Variants in CDC42 observed in about 807,000 individuals in gnomAD.
CDC42 encodes cell division cycle 42, also known as cell division control protein 42 homolog.
CDC42 carries 1 observed loss-of-function variant against 20.8 expected under a neutral mutation model. That is an observed-to-expected ratio of 0.05 (90% CI 0.02 to 0.23). The LOEUF (loss-of-function observed/expected upper bound fraction) is 0.23, where lower values mean the gene tolerates loss of function less well. Among genes scored for constraint, CDC42 ranks in the 10% least tolerant of loss-of-function variants. The pLI is 1.00. For missense variants in CDC42, 49 were observed against 227.9 expected (o/e 0.21, Z 5.05); for synonymous variants, 72 against 84.8 (o/e 0.85, Z 0.83).
chr1:22,084,338 T>G (rs990351857), intron 3 of CDC42, among the ~76,000 whole-genome samples: 1 of 87,734 alleles, frequency 1.1e-5, no homozygotes, highest in African/African-American at 4.6e-5. Flanking sequence ...ATTTCCTGTT[T>G]TTTTTTTTTT....
chr1:22,062,686 C>A (rs756521085), intron 1 of CDC42, among the ~76,000 whole-genome samples: 3 of 126,796 alleles, frequency 2.4e-5, no homozygotes, highest in African/African-American at 9.3e-5. Flanking sequence ...CAGTTTGAGA[C>A]GAGCCTGGTA....
At chr1:22,079,016 C>T (rs1207446816) in intron 2 of CDC42, 14 of 370,416 alleles carry the variant, frequency 3.8e-5, no homozygotes, top group South Asian at 2.5e-4. Flanking sequence ...TGGAGCTGTT[C>T]GCTTAGCAGT....
intron 2 of CDC42, among the ~76,000 whole-genome samples, chr1:22,079,148 T>C (rs1485319958): frequency 1.9e-5 from 2 of 107,990 alleles, no homozygotes; most frequent in Admixed American, 1.8e-4. Context: ...TCTTTTTTTT[T>C]TTTTTTTTGA....
At chr1:22,090,114 C>A in intron 5 of CDC42, 1 of 1,518,624 alleles carries the variant, frequency 6.6e-7, no homozygotes. Flanking sequence ...GGAATAAAAC[C>A]ATCCTGTTTG....
chr1:22,091,609 G>A lies in CDC42; in HGVS notation c.*92G>A, dbSNP rs1453577842. 2 of 978,312 alleles carry A rather than the reference G, an allele frequency of 2.0e-6. No individual in the cohort carries two copies. Among genetic ancestry groups the A allele is most frequent in the Non-Finnish European group, 1.6e-6 (1 of 641,872 alleles). 60.6% of individuals were successfully genotyped at this position (978,312 alleles called of 1,614,324 possible). A position where few individuals can be genotyped will look rare whatever the true frequency, so the allele number is the denominator to read the frequency against. ...AACTAAAGATTAAAAATTAAAATTC[G>A]TTTTTGCAATAATGACAAATGCCCT... On this transcript the variant is annotated 3_prime_UTR_variant, in exon 6 of 6. Transcript: ENST00000656825.
chr1:22,086,804 G>T lies in CDC42; in HGVS notation c.424G>T (p.Ala142Ser). 1 of 1,614,066 alleles carries T rather than the reference G, an allele frequency of 6.2e-7. No individual in the cohort carries two copies. Among genetic ancestry groups the T allele is most frequent in the Non-Finnish European group, 8.5e-7 (1 of 1,179,968 alleles). Residue 142 changes from alanine to serine, a missense_variant, in exon 5 of 6, where the codon GCT becomes TCT. Transcript: ENST00000656825. ...NKQKPITPET[A>S]EKLARDLKAV... Reference sequence around the variant, plus strand: ...ACAGAAGCCTATCACTCCAGAGACTGCTGAAAAGCTGGCCCGTGACCTGAA... The same window carrying T: ...ACAGAAGCCTATCACTCCAGAGACTTCTGAAAAGCTGGCCCGTGACCTGAA...
In CDC42 at chr1:22,067,606, A is replaced by G. The variant is rs116714944; in HGVS notation, c.-50-10823A>G. On this transcript the variant is annotated intron_variant, in intron 1 of 5. Transcript: ENST00000656825. The stretch of plus-strand genomic sequence containing the variant: ...ATGATCCGCCTGCCTCGGCCTCTCA[A>G]TGTGCTGGGTTTACAGGCCTGAGCC... Among the ~76,000 whole-genome samples, 847 of 152,230 alleles carry G rather than the reference A, an allele frequency of 5.6e-3. 14 individuals are homozygous for G. Among genetic ancestry groups the G allele is most frequent in the African/African-American group, 0.019 (810 of 41,540 alleles).
intron 5 of CDC42, among the ~76,000 whole-genome samples, chr1:22,089,787 G>T (rs111486320): frequency 2.0e-5 from 3 of 152,248 alleles, no homozygotes; most frequent in African/African-American, 7.2e-5. Flanking sequence ...TACTCTCCTG[G>T]TTATAATGGG....
chr1:22,053,078 G>A (rs1645253820), intron 1 of CDC42, among the ~76,000 whole-genome samples: 1 of 151,284 alleles, frequency 6.6e-6, no homozygotes, highest in Non-Finnish European at 1.5e-5. Context: ...GGGCGCCCGG[G>A]CTCCCCTCCC....
rs1645751051 is a variant in CDC42 at position 22,095,522 on chromosome 1, G to A, written c.*4005G>A. Among the ~76,000 whole-genome samples, 1 of 152,074 alleles carries A rather than the reference G, an allele frequency of 6.6e-6. No homozygotes were observed. The highest frequency in any genetic ancestry group is 1.5e-5 in the Non-Finnish European group (1 of 68,020). On this transcript the variant is annotated 3_prime_UTR_variant, in exon 6 of 6. Coordinates refer to ENST00000656825, the MANE Select transcript of CDC42 (RefSeq NM_001791.4). ...CTGACCTCGTGATCCGCCCGCCTTG[G>A]CCTCCCAAAGTGCTAGGATTACAGG...
Position 22,081,706 on chromosome 1 carries a change from A to T in CDC42, c.106-16A>T. ...TCTCCTTGCACACTAACAGTGTTGTATTTTTTTGTTTTTAGGTTTTTGACA... is the reference window on the plus strand; with the variant it reads ...TCTCCTTGCACACTAACAGTGTTGTTTTTTTTTGTTTTTAGGTTTTTGACA... On this transcript the variant is annotated splice_polypyrimidine_tract_variant and intron_variant, in intron 2 of 5. Coordinates refer to ENST00000656825, the MANE Select transcript of CDC42 (RefSeq NM_001791.4). 1 of 1,564,090 alleles carries T rather than the reference A, an allele frequency of 6.4e-7. No homozygotes were observed. Among genetic ancestry groups the T allele is most frequent in the Non-Finnish European group, 8.8e-7 (1 of 1,135,360 alleles).
At chr1:22,075,149 G>A (rs1029800269) in intron 1 of CDC42, among the ~76,000 whole-genome samples, 1 of 152,286 alleles carries the variant, frequency 6.6e-6, no homozygotes, top group Non-Finnish European at 1.5e-5. Context: ...GAGTAACTCC[G>A]TTTTGATTTT....
chr1:22,071,712 A>G (rs917958967), intron 1 of CDC42, among the ~76,000 whole-genome samples: 1 of 152,180 alleles, frequency 6.6e-6, no homozygotes, highest in Admixed American at 6.5e-5. Context: ...GAAGATTGTG[A>G]AATTGGGTCA....
chr1:22,073,944 C>G (rs560017781), intron 1 of CDC42: 2 of 152,356 alleles, frequency 1.3e-5, no homozygotes, highest in African/African-American at 2.4e-5. Context: ...AGCCACCATG[C>G]CTGACCCTGC....
Position 22,085,217 on chromosome 1 carries a change from G to A in CDC42, c.179-1222G>A, listed in dbSNP as rs866156755. On this transcript the variant is annotated intron_variant, in intron 3 of 5. Coordinates refer to ENST00000656825, the MANE Select transcript of CDC42 (RefSeq NM_001791.4). ...ACTGCACTCCAGCCTGGGTGATAGA[G>A]TGAGACTCTGTCTAAAAAAAAAAAA... Among the ~76,000 whole-genome samples, 101 of 72,572 alleles carry A rather than the reference G, an allele frequency of 1.4e-3. No homozygotes were observed. The Middle Eastern group carries it at 0.036, about 26-fold the overall frequency. The allele number at this position is 72,572 out of a possible 152,430, so 47.6% of individuals were successfully genotyped here.
In CDC42 at chr1:22,099,918, GCT is replaced by G. The variant is rs1645779532; in HGVS notation, c.*8402_*8403del. Among the ~76,000 whole-genome samples, 1 of 151,034 alleles carries G rather than the reference GCT, an allele frequency of 6.6e-6. No individual in the cohort carries two copies. The highest frequency in any genetic ancestry group is 1.5e-5 in the Non-Finnish European group (1 of 67,776). The stretch of plus-strand genomic sequence containing the variant: ...AAGCTTGTCCAAGAATTCAGAGCTA[GCT>G]TGTCCAAGAATTCAGAGCTAGTAAG... On this transcript the variant is annotated 3_prime_UTR_variant, in exon 6 of 6. Coordinates refer to ENST00000656825, the MANE Select transcript of CDC42 (RefSeq NM_001791.4).
chr1:22,054,089 G>C (rs1017658149), intron 1 of CDC42, among the ~76,000 whole-genome samples: 2 of 152,130 alleles, frequency 1.3e-5, no homozygotes, highest in Non-Finnish European at 2.9e-5. Flanking sequence ...TTGAAAAGAG[G>C]ATCAGTTTAT....
At position 22,100,830 on chromosome 1, in the gene CDC42, T is replaced by C. The variant is rs1326674231; in HGVS notation, c.*9313T>C. 6.6e-6 allele frequency: 1 copy of C among 152,182 alleles called. No individual in the cohort carries two copies. Among genetic ancestry groups the C allele is most frequent in the African/African-American group, 2.4e-5 (1 of 41,442 alleles). The allele number at this position is 152,182 out of a possible 1,614,324, so 9.4% of individuals were successfully genotyped here. The stretch of plus-strand genomic sequence containing the variant: ...TGTGTATGGAGTTCCAGACCCACCA[T>C]GGGGCCCCAGTGCTAGCTTCTTAGC... On this transcript the variant is annotated 3_prime_UTR_variant, in exon 6 of 6. Transcript: ENST00000656825.
intron 1 of CDC42, among the ~76,000 whole-genome samples, chr1:22,075,531 AT>A (rs1645539036): frequency 6.6e-6 from 1 of 152,164 alleles, no homozygotes; most frequent in Admixed American, 6.5e-5. Context: ...TATCTTGGAG[AT>A]AAAAAGTGTT....
Sources: allele counts gnomAD v4.1 joint callset (sites outside exome capture counted in the v4.1 genomes callset), GRCh38; gene constraint gnomAD v4.1.1; transcripts MANE v1.5; gene names NCBI Gene and HGNC (gene_info 2026-07-23, HGNC 2026-07-21).